Variants in STK32B observed in about 807,000 individuals in gnomAD.
STK32B encodes the protein serine/threonine kinase 32B, also known as serine/threonine-protein kinase 32B.
STK32B carries 43 observed loss-of-function variants against 52.6 expected under a neutral mutation model. The observed-to-expected ratio is 0.82, with a 90% CI of 0.64 to 1.05. STK32B has a LOEUF of 1.05. Among genes scored for constraint, STK32B ranks in the 50% least tolerant of loss-of-function variants. The pLI, the probability that STK32B is intolerant of heterozygous loss-of-function variation, is 0.00. For synonymous variants in STK32B, 238 were observed against 204.3 expected, an observed-to-expected ratio of 1.17 and a Z score of -1.41; for missense variants, 621 against 534.6, an observed-to-expected ratio of 1.16 and a Z score of -1.59.
intron 3 of STK32B, among the ~76,000 whole-genome samples, chr4:5,228,080 G>C (rs1286465221): frequency 6.6e-6 from 1 of 152,066 alleles, no homozygotes; most frequent in Non-Finnish European, 1.5e-5. Flanking sequence ...AATATTCCAA[G>C]AATAAATGAT....
intron 4 of STK32B, among the ~76,000 whole-genome samples, chr4:5,381,905 G>C (rs919399982): frequency 6.6e-6 from 1 of 152,166 alleles, no homozygotes; most frequent in Non-Finnish European, 1.5e-5. Flanking sequence ...GAGGGAAAGA[G>C]ATTTATTTTA....
At chr4:5,497,404 T>C (rs1255063082) in intron 11 of STK32B, among the ~76,000 whole-genome samples, 4 of 152,200 alleles carry the variant, frequency 2.6e-5, no homozygotes, top group Admixed American at 2.6e-4. Flanking sequence ...AGAGGAAATA[T>C]CCCATCACCA....
chr4:5,419,565 G>A (rs982836368), intron 6 of STK32B, among the ~76,000 whole-genome samples: 7 of 152,226 alleles, frequency 4.6e-5, no homozygotes, highest in African/African-American at 1.7e-4. Context: ...GTTTCCCAGT[G>A]AATACCTGCT....
chr4:5,276,776 G>A (rs977336561), intron 3 of STK32B, among the ~76,000 whole-genome samples: 7 of 151,992 alleles, frequency 4.6e-5, no homozygotes, highest in African/African-American at 1.2e-4. Context: ...TGATGTGCTT[G>A]CCCAGAGAGG....
chr4:5,416,996 T>C, intron 6 of STK32B, 62 bp downstream of exon 6: 2 of 1,463,720 alleles, frequency 1.4e-6, no homozygotes, highest in Non-Finnish European at 1.9e-6. Context: ...CTCAGCATCC[T>C]TCTCTTGTTT....
chr4:5,132,232 C>T (rs555657027), intron 1 of STK32B, among the ~76,000 whole-genome samples: 5 of 152,274 alleles, frequency 3.3e-5, no homozygotes, highest in Admixed American at 2.6e-4. Context: ...CTGCAGTGGA[C>T]ATTTGTGTGC....
intron 3 of STK32B, among the ~76,000 whole-genome samples, chr4:5,280,079 G>C (rs1174412967): frequency 6.6e-6 from 1 of 152,206 alleles, no homozygotes; most frequent in East Asian, 1.9e-4. Context: ...ACATTTCTGA[G>C]CCTTGATTTC....
intron 3 of STK32B, among the ~76,000 whole-genome samples, chr4:5,206,078 G>A (rs1157630771): frequency 6.6e-6 from 1 of 152,192 alleles, no homozygotes; most frequent in South Asian, 2.1e-4. Context: ...CAACAGATTT[G>A]GTCTAGAGTG....
chr4:5,492,140 A>G (rs2108727154), intron 11 of STK32B, among the ~76,000 whole-genome samples: 1 of 152,232 alleles, frequency 6.6e-6, no homozygotes, highest in Non-Finnish European at 1.5e-5. Flanking sequence ...CTTGATGGGG[A>G]TGGCATTGAA....
intron 3 of STK32B, among the ~76,000 whole-genome samples, chr4:5,221,817 C>G (rs1204955322): frequency 2.8e-5 from 4 of 140,354 alleles, no homozygotes; most frequent in Non-Finnish European, 1.5e-5. Flanking sequence ...GATGATGCCA[C>G]TGCATTCCAG....
In STK32B at chr4:5,395,194, A is replaced by G. The variant is rs1382423622; in HGVS notation, c.435-3013A>G. ...AGCTCATGTCTTGAGCTCTCACTCC[A>G]GTCTGCCAAGACAGAGTCATATAAT... On this transcript the variant is annotated intron_variant, in intron 4 of 11. Coordinates refer to ENST00000282908, the MANE Select transcript of STK32B (RefSeq NM_018401.3). The surrounding 1 kb of genome is among the most constrained non-coding windows in gnomAD (Gnocchi z 4.4). Among the ~76,000 whole-genome samples the G allele has an allele frequency of 6.6e-6, 1 of 152,186 alleles. No individual in the cohort carries two copies. Among genetic ancestry groups the G allele is most frequent in the Non-Finnish European group, 1.5e-5 (1 of 68,022 alleles).
At chr4:5,496,258 T>G (rs1241544518) in intron 11 of STK32B, among the ~76,000 whole-genome samples, 1 of 152,228 alleles carries the variant, frequency 6.6e-6, no homozygotes. Context: ...GCCACTTTGT[T>G]TACCTAAGCA....
chr4:5,281,849 A>T (rs536407193), intron 3 of STK32B, among the ~76,000 whole-genome samples: 1 of 152,312 alleles, frequency 6.6e-6, no homozygotes, highest in African/African-American at 2.4e-5. Flanking sequence ...CTTAAGTTGG[A>T]TAATGGCTAT....
At position 5,434,026 on chromosome 4, in the gene STK32B, C is replaced by T. The variant is rs767952188; in HGVS notation, c.563-12647C>T. ...ACTTTTCATTTCAAACTTTCATTGG[C>T]GGAATTGCTCAACCACTGGTAGAGA... On this transcript the variant is annotated intron_variant, in intron 6 of 11. Coordinates refer to ENST00000282908, the MANE Select transcript of STK32B (RefSeq NM_018401.3). Among the ~76,000 whole-genome samples the T allele has an allele frequency of 5.3e-5, 8 of 152,266 alleles. No homozygotes were observed. The East Asian group carries it at 7.7e-4, about 15-fold the overall frequency.
intron 4 of STK32B, among the ~76,000 whole-genome samples, chr4:5,335,137 T>C (rs1006257320): frequency 5.3e-5 from 8 of 152,338 alleles, no homozygotes; most frequent in South Asian, 2.1e-4. Flanking sequence ...AGCTATTGAT[T>C]ATTGCCACAA....
At chr4:5,231,694 G>A (rs933355732) in intron 3 of STK32B, among the ~76,000 whole-genome samples, 1 of 152,128 alleles carries the variant, frequency 6.6e-6, no homozygotes, top group African/African-American at 2.4e-5. Flanking sequence ...AGATGGAATG[G>A]TTGGGGTTGG....
At position 5,136,365 on chromosome 4, in the gene STK32B, T is replaced by C. The variant is rs115311698; in HGVS notation, c.53-3540T>C. Among the ~76,000 whole-genome samples, 1,118 of 132,658 alleles carry C rather than the reference T, an allele frequency of 8.4e-3. 10 individuals are homozygous for C. The highest frequency in any genetic ancestry group is 0.03 in the African/African-American group (1,061 of 35,826). The allele number at this position is 132,658 out of a possible 152,430, so 87.0% of individuals were successfully genotyped here. A position where few individuals can be genotyped will look rare whatever the true frequency, so the allele number is the denominator to read the frequency against. Reference sequence around the variant, plus strand: ...CCATTTCTACCCTAGTGGTACACTTTTAGCGGTGTAACCCTTTGCAGCTCT... The same window carrying C: ...CCATTTCTACCCTAGTGGTACACTTCTAGCGGTGTAACCCTTTGCAGCTCT... On this transcript the variant is annotated intron_variant, in intron 1 of 11. Coordinates refer to ENST00000282908, the MANE Select transcript of STK32B (RefSeq NM_018401.3).
At chr4:5,462,999 C>A (rs369542015) in intron 9 of STK32B, among the ~76,000 whole-genome samples, 1 of 152,180 alleles carries the variant, frequency 6.6e-6, no homozygotes, top group Non-Finnish European at 1.5e-5. Context: ...TCTCTTCTGC[C>A]GTCTCTGTGA....
At chr4:5,237,442 A>G (rs1354105334) in intron 3 of STK32B, among the ~76,000 whole-genome samples, 1 of 152,204 alleles carries the variant, frequency 6.6e-6, no homozygotes, top group East Asian at 1.9e-4. Context: ...AAGAGTTTTC[A>G]TACTCGGGAG....
Sources: gnomAD v4.1 joint callset for allele counts (sites outside exome capture counted in the v4.1 genomes callset) on GRCh38, gnomAD v4.1.1 for gene constraint, Gnocchi (gnomAD v3.1) non-coding constraint, MANE v1.5 for transcripts, NCBI Gene and HGNC (gene_info 2026-07-23, HGNC 2026-07-21) for gene names.